Variants in NPAS3 observed in about 807,000 individuals in gnomAD.
NPAS3 encodes neuronal PAS domain protein 3.
Under a neutral mutation model 73.1 loss-of-function variants are expected in NPAS3, and 14 were observed. The observed-to-expected ratio is 0.19, with a 90% confidence interval of 0.13 to 0.30. NPAS3 has a LOEUF of 0.30. NPAS3 is among the 10% of genes least tolerant of loss of function. NPAS3 has a pLI of 1.00. For synonymous variants in NPAS3, 620 were observed against 541.5 expected, an observed-to-expected ratio of 1.14 and a Z score of -2.01; for missense variants, 1,096 against 1,250.0, an observed-to-expected ratio of 0.88 and a Z score of 1.86.
chr14:33,717,478 A>T (rs2140524454), intron 6 of NPAS3, among the ~76,000 whole-genome samples: 1 of 152,272 alleles, frequency 6.6e-6, no homozygotes, highest in Non-Finnish European at 1.5e-5. Flanking sequence ...CCCCGTAAAC[A>T]CACAAACCTA....
chr14:33,770,558 C>T (rs909244099), intron 7 of NPAS3, among the ~76,000 whole-genome samples: 3 of 152,160 alleles, frequency 2.0e-5, no homozygotes, highest in Admixed American at 2.0e-4. Context: ...CAAGGTCCCT[C>T]ATAGATTATG....
chr14:33,320,057 T>A (rs903556419), intron 3 of NPAS3, among the ~76,000 whole-genome samples: 2 of 151,534 alleles, frequency 1.3e-5, no homozygotes, highest in African/African-American at 2.4e-5. Context: ...CGGGAAGGAG[T>A]TTGTAGAGGA....
At chr14:33,618,232 T>C (rs2057978306) in intron 5 of NPAS3, among the ~76,000 whole-genome samples, 1 of 152,102 alleles carries the variant, frequency 6.6e-6, no homozygotes, top group Non-Finnish European at 1.5e-5. Context: ...TTTGGGATGA[T>C]TCAAGCATAT....
intron 3 of NPAS3, among the ~76,000 whole-genome samples, chr14:33,234,247 T>C (rs2047952464): frequency 2.6e-5 from 4 of 152,038 alleles, no homozygotes; most frequent in Admixed American, 2.0e-4. Context: ...GTATAATAAA[T>C]CAAAAGTTAT....
intron 1 of NPAS3, among the ~76,000 whole-genome samples, chr14:32,966,137 A>G (rs138829787): frequency 6.6e-6 from 1 of 152,320 alleles, no homozygotes. Flanking sequence ...AAAGCAATCT[A>G]CAGAATCAGT....
rs546018568 is a variant in NPAS3 at position 33,537,081 on chromosome 14, A to G, written c.469-23040A>G. On this transcript the variant is annotated intron_variant, in intron 4 of 11. Coordinates refer to ENST00000356141, the Ensembl canonical transcript of NPAS3. ...CAACAAAATCCCTAGAAGTTAATATATCTGACAGGAATGGTAAGTCAATAT... is the reference window on the plus strand; with the variant it reads ...CAACAAAATCCCTAGAAGTTAATATGTCTGACAGGAATGGTAAGTCAATAT... Among the ~76,000 whole-genome samples the G allele has an allele frequency of 1.1e-4, 17 of 152,334 alleles. No individual in the cohort carries two copies. The South Asian group carries it at 2.9e-3, about 26-fold the overall frequency.
At chr14:33,055,500 T>A (rs2040857192) in intron 1 of NPAS3, among the ~76,000 whole-genome samples, 1 of 152,244 alleles carries the variant, frequency 6.6e-6, no homozygotes, top group African/African-American at 2.4e-5. Context: ...AATTTACAGT[T>A]GCCTACAATA....
intron 2 of NPAS3, among the ~76,000 whole-genome samples, chr14:33,126,045 A>G (rs184187218): frequency 3.3e-5 from 5 of 152,330 alleles, no homozygotes; most frequent in African/African-American, 4.8e-5. Context: ...AGCTGTGTGA[A>G]TGGGCCATAG....
chr14:33,094,049 A>C (rs1447075055), intron 2 of NPAS3, among the ~76,000 whole-genome samples: 1 of 152,028 alleles, frequency 6.6e-6, no homozygotes, highest in Non-Finnish European at 1.5e-5. Context: ...GCACACCAAC[A>C]TGGCACATGT....
chr14:33,502,381 C>T (rs2052560008), intron 4 of NPAS3, among the ~76,000 whole-genome samples: 1 of 151,756 alleles, frequency 6.6e-6, no homozygotes, highest in Admixed American at 6.6e-5. Flanking sequence ...AGCTTCTTAC[C>T]CATCATCCTC....
intron 4 of NPAS3, among the ~76,000 whole-genome samples, chr14:33,454,576 T>G (rs2139421504): frequency 6.6e-6 from 1 of 152,342 alleles, no homozygotes; most frequent in African/African-American, 2.4e-5. Context: ...ATCCCAGACC[T>G]TTTTTCCTAA....
intron 5 of NPAS3, among the ~76,000 whole-genome samples, chr14:33,585,171 G>T (rs943008499): frequency 6.6e-6 from 1 of 152,026 alleles, no homozygotes; most frequent in Admixed American, 6.6e-5. Flanking sequence ...CCCGAATAGA[G>T]CCTCTCATCT....
chr14:33,314,899 A>G (rs923762776), intron 3 of NPAS3, among the ~76,000 whole-genome samples: 1 of 152,122 alleles, frequency 6.6e-6, no homozygotes, highest in Non-Finnish European at 1.5e-5. Flanking sequence ...GCTGGCTAAT[A>G]TTTGTTAAAG....
chr14:33,754,392 A>T (rs891761905), intron 7 of NPAS3, among the ~76,000 whole-genome samples: 2 of 152,122 alleles, frequency 1.3e-5, no homozygotes, highest in African/African-American at 4.8e-5. Flanking sequence ...CATTTCACCT[A>T]CTAGGGAGGC....
intron 7 of NPAS3, among the ~76,000 whole-genome samples, chr14:33,749,537 T>C (rs1467275136): frequency 6.6e-6 from 1 of 152,218 alleles, no homozygotes; most frequent in African/African-American, 2.4e-5. Context: ...TTGAATGTTT[T>C]ATTATGAATT....
chr14:33,319,154 T>C (rs1271483310), intron 3 of NPAS3, among the ~76,000 whole-genome samples: 1 of 152,056 alleles, frequency 6.6e-6, no homozygotes, highest in Non-Finnish European at 1.5e-5. Flanking sequence ...TTTTTCATAA[T>C]AGAGGTCTCT....
intron 4 of NPAS3, among the ~76,000 whole-genome samples, chr14:33,543,018 C>T (rs566584512): frequency 7.9e-5 from 12 of 152,350 alleles, no homozygotes; most frequent in African/African-American, 2.6e-4. Flanking sequence ...CACCCCCAGA[C>T]ATGCCCTCCT....
At chr14:33,743,371 C>G (rs1318728811) in intron 7 of NPAS3, among the ~76,000 whole-genome samples, 1 of 152,198 alleles carries the variant, frequency 6.6e-6, no homozygotes, top group Non-Finnish European at 1.5e-5. Flanking sequence ...GGTGCATTGT[C>G]AGTGAACAGT....
chr14:33,147,129 TTGAA>T (rs998305492), intron 2 of NPAS3, among the ~76,000 whole-genome samples: 2 of 152,144 alleles, frequency 1.3e-5, no homozygotes, highest in African/African-American at 2.4e-5. Context: ...CTTACAATAA[TTGAA>T]TGAGAAATTA....
Sources: gnomAD v4.1 joint callset for allele counts (sites outside exome capture counted in the v4.1 genomes callset) on GRCh38, gnomAD v4.1.1 for gene constraint, MANE v1.5 for transcripts, NCBI Gene and HGNC (gene_info 2026-07-23, HGNC 2026-07-21) for gene names.